Variants in NLRC4 observed in about 807,000 individuals in gnomAD.
The protein encoded by NLRC4 is NLR family CARD domain containing 4.
NLRC4 carries 63 observed loss-of-function variants against 79.9 expected under a neutral mutation model. That is an observed-to-expected ratio of 0.79 (90% CI 0.64 to 0.97). NLRC4 has a LOEUF of 0.97. Among genes scored for constraint, NLRC4 ranks in the 50% least tolerant of loss-of-function variants. The pLI is 0.00. For synonymous variants in NLRC4, 461 were observed against 456.5 expected, an observed-to-expected ratio of 1.01 and a Z score of -0.12; for missense variants, 1,074 against 1,215.2, an observed-to-expected ratio of 0.88 and a Z score of 1.73.
chr2:32,233,344 TATATA>T (rs1309279928), intron 8 of NLRC4, among the ~76,000 whole-genome samples: 80 of 43,258 alleles, frequency 1.8e-3, no homozygotes, highest in African/African-American at 5.2e-3. Context: ...TATATATATA[TATATA>T]TTTTTTTTTT....
At chr2:32,251,748 G>A (rs1687083854) in intron 3 of NLRC4, 147 bp from the exon 4 acceptor site, 1 of 586,596 alleles carries the variant, frequency 1.7e-6, no homozygotes. Context: ...GGCACAAAGG[G>A]TTCTGTCTGC....
rs140366142 is a variant in NLRC4 at position 32,238,175 on chromosome 2, T to G, written c.2478A>C (p.Gln826His). 1 of 1,613,850 alleles carries G rather than the reference T, an allele frequency of 6.2e-7. No homozygotes were observed. The highest frequency in any genetic ancestry group is 2.2e-5 in the East Asian group (1 of 44,858). Residue 826 changes from glutamine to histidine, a missense_variant, in exon 6 of 9, where the codon CAA (glutamine) becomes CAC (histidine). By Grantham distance (24) the Gln-to-His change is conservative (BLOSUM62 0). Coordinates refer to ENST00000402280, the MANE Select transcript of NLRC4 (RefSeq NM_001199138.2). ...SSEPCDLEEI[Q>H]LVSCCLSANA... is the part of the protein sequence containing the mutation. Reference sequence around the variant, plus strand: ...TTGCAGACAAGCAGCAGGAGACTAATTGAATTTCTTCAAGGTCACAGGGTT... The same window carrying G: ...TTGCAGACAAGCAGCAGGAGACTAAGTGAATTTCTTCAAGGTCACAGGGTT...
At chr2:32,263,796 A>G (rs1321234112) in intron 1 of NLRC4, among the ~76,000 whole-genome samples, 1 of 152,226 alleles carries the variant, frequency 6.6e-6, no homozygotes, top group Non-Finnish European at 1.5e-5. Context: ...TTTTAAACAC[A>G]TTAATACGAC....
chr2:32,240,627 C>A (rs980411965), intron 5 of NLRC4, among the ~76,000 whole-genome samples: 2 of 152,130 alleles, frequency 1.3e-5, no homozygotes, highest in Non-Finnish European at 2.9e-5. Flanking sequence ...TCTTGATTCA[C>A]ATTGTTTCCT....
intron 1 of NLRC4, among the ~76,000 whole-genome samples, chr2:32,261,927 A>T (rs767566461): frequency 6.6e-6 from 1 of 151,516 alleles, no homozygotes; most frequent in Non-Finnish European, 1.5e-5. Flanking sequence ...CTAAAAATAC[A>T]AGAATTAGCC....
intron 1 of NLRC4, among the ~76,000 whole-genome samples, chr2:32,260,676 G>T (rs989099854): frequency 1.3e-5 from 2 of 152,196 alleles, no homozygotes; most frequent in African/African-American, 4.8e-5. Flanking sequence ...TGGGGGCCAG[G>T]CATATTCAAC....
chr2:32,231,303 T>C (rs1372653017), intron 8 of NLRC4, among the ~76,000 whole-genome samples: 1 of 151,760 alleles, frequency 6.6e-6, no homozygotes, highest in Non-Finnish European at 1.5e-5. Flanking sequence ...TACAGGTATG[T>C]GCCACCACGC....
chr2:32,235,360 G>A lies in NLRC4; in HGVS notation c.2782+41C>T, dbSNP rs770023233. 27 of 1,505,406 alleles carry A rather than the reference G, an allele frequency of 1.8e-5. No individual in the cohort carries two copies. In the Admixed American group the frequency reaches 3.5e-4, roughly 20 times the overall value. The allele number at this position is 1,505,406 out of a possible 1,614,324, so 93.3% of individuals were successfully genotyped here. A position where few individuals can be genotyped will look rare whatever the true frequency, so the allele number is the denominator to read the frequency against. On this transcript the variant is annotated intron_variant, in intron 8 of 8. Transcript: ENST00000402280. ...AAAGCCAACTTAAGAATTTTTTAAGGGCCAAATCCAGTTATCTTGGCTCTG... is the reference window on the plus strand; with the variant it reads ...AAAGCCAACTTAAGAATTTTTTAAGAGCCAAATCCAGTTATCTTGGCTCTG...
At chr2:32,255,810 C>T (rs1446419309) in intron 2 of NLRC4, among the ~76,000 whole-genome samples, 1 of 151,866 alleles carries the variant, frequency 6.6e-6, no homozygotes, top group African/African-American at 2.4e-5. Context: ...GTCAGGAGAT[C>T]GAGATCATCC....
At chr2:32,236,014 A>G (rs1405607730) in intron 7 of NLRC4, among the ~76,000 whole-genome samples, 1 of 152,196 alleles carries the variant, frequency 6.6e-6, no homozygotes, top group Non-Finnish European at 1.5e-5. Context: ...AAAGGAGGAA[A>G]GCAGGTGGGA....
chr2:32,236,641 G>A (rs1686679570), intron 6 of NLRC4, among the ~76,000 whole-genome samples: 1 of 152,054 alleles, frequency 6.6e-6, no homozygotes, highest in Admixed American at 6.6e-5. Context: ...AAAATCACTT[G>A]GTCTCTCTAA....
At chr2:32,246,426 T>G (rs563427768) in intron 4 of NLRC4, among the ~76,000 whole-genome samples, 1 of 152,260 alleles carries the variant, frequency 6.6e-6, no homozygotes, top group East Asian at 1.9e-4. Context: ...TTTCAAAGAT[T>G]ATCTGTACAA....
chr2:32,239,373 C>T (rs1686744298), intron 5 of NLRC4, among the ~76,000 whole-genome samples: 1 of 152,170 alleles, frequency 6.6e-6, no homozygotes, highest in Non-Finnish European at 1.5e-5. Context: ...TGTACGTTAA[C>T]ATATTTAATG....
chr2:32,231,173 G>T lies in NLRC4; in HGVS notation c.2782+4228C>A, dbSNP rs908499845. Among the ~76,000 whole-genome samples, 4 of 151,800 alleles carry T rather than the reference G, an allele frequency of 2.6e-5. No individual in the cohort carries two copies. The East Asian group carries it at 7.7e-4, about 29-fold the overall frequency. On this transcript the variant is annotated intron_variant, in intron 8 of 8. Transcript: ENST00000402280. ...TAAGAGTTTTTTTGTTTTGTTTTTT[G>T]ACATGGAGTCTCACTCTGTCACCCA... is the stretch of plus-strand genomic sequence containing the variant.
intron 8 of NLRC4, among the ~76,000 whole-genome samples, chr2:32,230,712 T>A (rs1177188369): frequency 6.6e-6 from 1 of 152,228 alleles, no homozygotes; most frequent in Non-Finnish European, 1.5e-5. Flanking sequence ...TTTGAGCTAC[T>A]AAACATGCTA....
intron 5 of NLRC4, among the ~76,000 whole-genome samples, chr2:32,239,588 A>G (rs1050623852): frequency 2.6e-5 from 4 of 152,198 alleles, no homozygotes; most frequent in Non-Finnish European, 1.5e-5. Context: ...TGGGGATTCA[A>G]TGGAATGAGG....
chr2:32,263,595 A>C (rs1573509636), intron 1 of NLRC4, among the ~76,000 whole-genome samples: 1 of 152,038 alleles, frequency 6.6e-6, no homozygotes, highest in Non-Finnish European at 1.5e-5. Flanking sequence ...TTAAGCTCAA[A>C]TGAGGCTGTT....
intron 4 of NLRC4, among the ~76,000 whole-genome samples, chr2:32,243,796 A>C (rs940970499): frequency 1.5e-5 from 2 of 134,790 alleles, no homozygotes; most frequent in Non-Finnish European, 3.1e-5. Flanking sequence ...ATTCCATCTC[A>C]AAAAAAAAAA....
intron 4 of NLRC4, among the ~76,000 whole-genome samples, chr2:32,245,328 AAAAAAC>A (rs1351909656): frequency 6.6e-6 from 1 of 151,474 alleles, no homozygotes; most frequent in Non-Finnish European, 1.5e-5. Flanking sequence ...AAAAAAAAAA[AAAAAAC>A]AGATGAATAG....
Sources: gnomAD v4.1 joint callset for allele counts (sites outside exome capture counted in the v4.1 genomes callset) on GRCh38, gnomAD v4.1.1 for gene constraint, MANE v1.5 for transcripts, NCBI Gene and HGNC (gene_info 2026-07-23, HGNC 2026-07-21) for gene names.